The following DOK5 variants were observed in gnomAD, a reference collection of about 807,000 sequenced individuals.
DOK5 encodes downstream of tyrosine kinase 5.
A neutral mutation model predicts 43.3 loss-of-function variants in DOK5; 27 were observed. The ratio of observed to expected loss-of-function variants is 0.62; its 90% CI spans 0.46 to 0.86. The LOEUF is 0.86. DOK5 is among the 40% of genes least tolerant of loss of function. The pLI, the probability that DOK5 is intolerant of heterozygous loss-of-function variation, is 0.00. For missense variants in DOK5, 373 were observed against 392.9 expected, an observed-to-expected ratio of 0.95 and a Z score of 0.43; for synonymous variants, 146 against 140.1, an observed-to-expected ratio of 1.04 and a Z score of -0.30.
At chr20:54,640,630 C>T (rs1422548193) in intron 6 of DOK5, among the ~76,000 whole-genome samples, 1 of 152,218 alleles carries the variant, frequency 6.6e-6, no homozygotes, top group Non-Finnish European at 1.5e-5. Context: ...CTCTTCAAAA[C>T]GCGGCGTTGC....
intron 6 of DOK5, among the ~76,000 whole-genome samples, chr20:54,629,324 G>A (rs1263874401): frequency 6.6e-6 from 1 of 152,176 alleles, no homozygotes; most frequent in Non-Finnish European, 1.5e-5. Context: ...GAGCGAGGAA[G>A]CTGTGATTTA....
At chr20:54,501,466 CAAAAAAA>C (rs76224592) in intron 1 of DOK5, among the ~76,000 whole-genome samples, 6 of 19,460 alleles carry the variant, frequency 3.1e-4, no homozygotes, top group Non-Finnish European at 3.7e-4. Flanking sequence ...GACTCACTCT[CAAAAAAA>C]AAAAAAAAAA....
At chr20:54,533,175 T>A (rs1983838807) in intron 1 of DOK5, among the ~76,000 whole-genome samples, 1 of 152,218 alleles carries the variant, frequency 6.6e-6, no homozygotes, top group Admixed American at 6.5e-5. Context: ...TGGTGGGGGC[T>A]GTTTTGTGCG....
Position 54,549,210 on chromosome 20 carries a change from TTGTC to T in DOK5, c.67-5720_67-5717del, listed in dbSNP as rs200392669. Among the ~76,000 whole-genome samples, 1,424 of 152,320 alleles carry T rather than the reference TTGTC, an allele frequency of 9.3e-3. 17 individuals carry two copies. The highest frequency in any genetic ancestry group is 0.033 in the African/African-American group (1,357 of 41,592). On this transcript the variant is annotated intron_variant, in intron 1 of 7. Transcript: ENST00000262593. The stretch of plus-strand genomic sequence containing the variant: ...CCTGAAAACATGGTAAAGAGCAAAT[TTGTC>T]TGGTCCCAACTGAAGAGGTTTTGAC...
At chr20:54,608,953 G>T (rs1986556527) in intron 5 of DOK5, among the ~76,000 whole-genome samples, 1 of 152,126 alleles carries the variant, frequency 6.6e-6, no homozygotes, top group Non-Finnish European at 1.5e-5. Flanking sequence ...GGGATTACAG[G>T]TGTGAGCCAC....
chr20:54,631,472 G>A (rs117724557), intron 6 of DOK5, among the ~76,000 whole-genome samples: 5,533 of 151,468 alleles, frequency 0.037, 135 homozygotes, highest in Admixed American at 0.056. Flanking sequence ...GGGAGAGAAG[G>A]AGAGAGGGAG....
At position 54,626,268 on chromosome 20, in the gene DOK5, G is replaced by A. The variant is rs183595308; in HGVS notation, c.735+15745G>A. Reference sequence around the variant, plus strand: ...CATCGAAAGGGGTGAGGGAAAGAGCGGAGGTTTTTAGGTAGGAAGCATGTG... The same window carrying A: ...CATCGAAAGGGGTGAGGGAAAGAGCAGAGGTTTTTAGGTAGGAAGCATGTG... On this transcript the variant is annotated intron_variant, in intron 6 of 7. Transcript: ENST00000262593. Among the ~76,000 whole-genome samples, 679 of 152,234 alleles carry A rather than the reference G, an allele frequency of 4.5e-3. 10 individuals carry two copies. Among genetic ancestry groups the A allele is most frequent in the Non-Finnish European group, 4.4e-3 (302 of 68,026 alleles).
intron 6 of DOK5, among the ~76,000 whole-genome samples, chr20:54,615,087 C>T (rs1245074069): frequency 6.6e-6 from 1 of 152,154 alleles, no homozygotes; most frequent in Non-Finnish European, 1.5e-5. Context: ...GAAGTCCTAA[C>T]TCATTGTTTA....
intron 1 of DOK5, among the ~76,000 whole-genome samples, chr20:54,500,385 T>C (rs1331255434): frequency 6.6e-6 from 1 of 152,162 alleles, no homozygotes; most frequent in Admixed American, 6.6e-5. Context: ...TTCTTTTTAT[T>C]GTCATTGTTT....
chr20:54,519,357 A>G (rs1486757284), intron 1 of DOK5, among the ~76,000 whole-genome samples: 1 of 152,180 alleles, frequency 6.6e-6, no homozygotes, highest in Non-Finnish European at 1.5e-5. Context: ...ACTATTAGAT[A>G]TTTAATTGGT....
rs757709862 is a variant in DOK5 at position 54,643,484 on chromosome 20, C to T, written c.762C>T (p.Ala254=). 60 of 1,613,514 alleles carry T rather than the reference C, an allele frequency of 3.7e-5. No individual in the cohort carries two copies. Among genetic ancestry groups the T allele is most frequent in the African/African-American group, 5.3e-5 (4 of 74,948 alleles). ...SMLQMKMSER[A]ASLSTMVPLP... ...TCCAGATGAAGATGAGTGAGCGGGC[C>T]GCCTCGCTGAGCACCATGGTGCCCC... is the stretch of plus-strand genomic sequence containing the variant. Residue 254 remains alanine, a synonymous_variant, in exon 7 of 8, where the codon GCC becomes GCT. Coordinates refer to ENST00000262593, the MANE Select transcript of DOK5 (RefSeq NM_018431.5).
At chr20:54,532,581 C>T (rs998187165) in intron 1 of DOK5, among the ~76,000 whole-genome samples, 1 of 152,188 alleles carries the variant, frequency 6.6e-6, no homozygotes, top group East Asian at 1.9e-4. Context: ...TATATCTTCA[C>T]AGCTTGGCAC....
At chr20:54,594,985 T>A (rs1274492825) in intron 5 of DOK5, among the ~76,000 whole-genome samples, 1 of 152,098 alleles carries the variant, frequency 6.6e-6, no homozygotes, top group Admixed American at 6.6e-5. Context: ...TATGTTTGAG[T>A]CTCTGTGTGT....
At chr20:54,594,404 CAAT>C (rs1454087183) in intron 5 of DOK5, among the ~76,000 whole-genome samples, 2 of 152,006 alleles carry the variant, frequency 1.3e-5, no homozygotes, top group South Asian at 2.1e-4. Flanking sequence ...AAGAAAACAA[CAAT>C]GACAAAAGAA....
chr20:54,568,004 C>T (rs1985151260), intron 2 of DOK5, among the ~76,000 whole-genome samples: 1 of 152,094 alleles, frequency 6.6e-6, no homozygotes, highest in Non-Finnish European at 1.5e-5. Context: ...TATGATATGA[C>T]AAAACAATCA....
rs1551921 is a variant in DOK5 at position 54,517,194 on chromosome 20, C to G, written c.67-37739C>G. 2.8e-3 allele frequency among the ~76,000 whole-genome samples: 426 copies of G among 152,294 alleles called. 3 individuals carry two copies. In the East Asian group the frequency reaches 0.028, roughly 10 times the overall value. ...TCATATACATGAGTTCTAACCCCTTCTTGTCTCTTGCCAAGATTTATCAGC... is the reference window on the plus strand; with the variant it reads ...TCATATACATGAGTTCTAACCCCTTGTTGTCTCTTGCCAAGATTTATCAGC... On this transcript the variant is annotated intron_variant, in intron 1 of 7. Coordinates refer to ENST00000262593, the MANE Select transcript of DOK5 (RefSeq NM_018431.5).
chr20:54,482,450 T>C (rs1288497641), intron 1 of DOK5, among the ~76,000 whole-genome samples: 2 of 152,214 alleles, frequency 1.3e-5, no homozygotes, highest in East Asian at 3.9e-4. Flanking sequence ...CATGACAAAG[T>C]CATAATCGTA....
At chr20:54,487,140 C>T (rs1345744936) in intron 1 of DOK5, among the ~76,000 whole-genome samples, 5 of 152,160 alleles carry the variant, frequency 3.3e-5, no homozygotes, top group Admixed American at 3.3e-4. Flanking sequence ...TTAACTCTAA[C>T]AGCTTTGTCC....
At chr20:54,641,191 T>C (rs1326292986) in intron 6 of DOK5, among the ~76,000 whole-genome samples, 1 of 152,208 alleles carries the variant, frequency 6.6e-6, no homozygotes, top group Admixed American at 6.5e-5. Context: ...TTAGGAAAAG[T>C]TATCCTCATG....
Sources: allele counts gnomAD v4.1 joint callset (sites outside exome capture counted in the v4.1 genomes callset), GRCh38; gene constraint gnomAD v4.1.1; transcripts MANE v1.5; gene names NCBI Gene and HGNC (gene_info 2026-07-23, HGNC 2026-07-21).